The following GRIN2A variants were observed in gnomAD, a reference collection of about 807,000 sequenced individuals.
The protein encoded by GRIN2A is glutamate receptor ionotropic, NMDA 2A.
A neutral mutation model predicts 113.4 loss-of-function variants in GRIN2A; 22 were observed. The ratio of observed to expected loss-of-function variants is 0.19; its 90% CI spans 0.14 to 0.28. The LOEUF (loss-of-function observed/expected upper bound fraction) is 0.28. GRIN2A is among the 10% of genes least tolerant of loss of function. GRIN2A has a pLI of 1.00. For missense variants in GRIN2A, 1,502 were observed against 1,887.0 expected (o/e 0.80, Z 3.78); for synonymous variants, 827 against 738.4 (o/e 1.12, Z -1.94).
chr16:9,781,534 T>C (rs1030926186), intron 11 of GRIN2A, among the ~76,000 whole-genome samples: 1 of 152,138 alleles, frequency 6.6e-6, no homozygotes, highest in African/African-American at 2.4e-5. Context: ...ATAATGTCTT[T>C]ATTTTTTGTA....
intron 3 of GRIN2A, among the ~76,000 whole-genome samples, chr16:9,893,199 G>A (rs1256292001): frequency 6.6e-6 from 1 of 152,198 alleles, no homozygotes; most frequent in Non-Finnish European, 1.5e-5. Flanking sequence ...AATTAATGAT[G>A]CAGAGAAAAT....
chr16:10,117,528 G>GA, intron 2 of GRIN2A, among the ~76,000 whole-genome samples: 1 of 138,756 alleles, frequency 7.2e-6, no homozygotes, highest in African/African-American at 2.6e-5. Flanking sequence ...AAGTTAATTT[G>GA]AAAAAAGAAT....
intron 2 of GRIN2A, among the ~76,000 whole-genome samples, chr16:9,957,814 G>A (rs1192737595): frequency 6.6e-6 from 1 of 152,126 alleles, no homozygotes; most frequent in African/African-American, 2.4e-5. Flanking sequence ...CCTCACCTGA[G>A]AACTCTTCTA....
chr16:9,784,742 A>G (rs1304881823), intron 11 of GRIN2A, among the ~76,000 whole-genome samples: 2 of 152,198 alleles, frequency 1.3e-5, no homozygotes, highest in Non-Finnish European at 2.9e-5. Context: ...ACAAATTTAC[A>G]AGAAAAAAAC....
intron 2 of GRIN2A, among the ~76,000 whole-genome samples, chr16:10,062,087 C>G (rs1302357190): frequency 6.6e-6 from 1 of 152,178 alleles, no homozygotes; most frequent in East Asian, 1.9e-4. Context: ...AAATGAATGG[C>G]TGAACTGGGA....
At position 9,764,975 on chromosome 16, in the gene GRIN2A, T is replaced by TCAG. The variant is rs749857415; in HGVS notation, c.2596-30_2596-28dup. ...TGTAGGGGAGCAACATAAAGCACTG[T>TCAG]CAGCAGCAGCAGCAGTGAACATGAA... On this transcript the variant is annotated intron_variant, in intron 12 of 12. Transcript: ENST00000330684. 1.2e-5 allele frequency: 19 copies of TCAG among 1,613,268 alleles called. No homozygotes were observed. In the African/African-American group the frequency reaches 1.3e-4, roughly 11 times the overall value.
At chr16:10,146,389 G>A (rs2049440769) in intron 2 of GRIN2A, among the ~76,000 whole-genome samples, 1 of 152,080 alleles carries the variant, frequency 6.6e-6, no homozygotes, top group African/African-American at 2.4e-5. Context: ...CAGTGCATGA[G>A]CCACCACGCC....
chr16:10,055,097 G>T (rs368616402), intron 2 of GRIN2A, among the ~76,000 whole-genome samples: 1 of 41,200 alleles, frequency 2.4e-5, no homozygotes, highest in Non-Finnish European at 4.3e-5. Context: ...AAAAAAGAAA[G>T]AAAGAAAGAA....
chr16:10,073,989 G>C (rs551226808), intron 2 of GRIN2A, among the ~76,000 whole-genome samples: 2 of 149,542 alleles, frequency 1.3e-5, no homozygotes, highest in Admixed American at 1.3e-4. Context: ...TCTCATAAAA[G>C]TCTAGTATCC....
intron 3 of GRIN2A, among the ~76,000 whole-genome samples, chr16:9,917,611 A>T (rs2044277098): frequency 6.6e-6 from 1 of 152,232 alleles, no homozygotes; most frequent in African/African-American, 2.4e-5. Context: ...TTTTGAAATA[A>T]AGATCTTATA....
intron 2 of GRIN2A, among the ~76,000 whole-genome samples, chr16:9,999,272 G>A (rs568924458): frequency 6.6e-6 from 1 of 152,246 alleles, no homozygotes; most frequent in East Asian, 1.9e-4. Context: ...CTCAAGAAGT[G>A]ACCTTGGCAT....
intron 2 of GRIN2A, among the ~76,000 whole-genome samples, chr16:10,125,616 T>C (rs113413730): frequency 0.013 from 1,936 of 146,012 alleles, 22 homozygotes; most frequent in South Asian, 0.052. Context: ...ATCCTCATAC[T>C]GCTCATGGTG....
rs895697550 is a variant in GRIN2A at position 10,126,162 on chromosome 16, T to C, written c.414+53836A>G. Among the ~76,000 whole-genome samples, 8 of 118,428 alleles carry C rather than the reference T, an allele frequency of 6.8e-5. 1 individual carries two copies. Among genetic ancestry groups the C allele is most frequent in the Admixed American group, 2.7e-4 (3 of 10,982 alleles). The allele number at this position is 118,428 out of a possible 152,430, so 77.7% of individuals were successfully genotyped here. ...GTGTGAGTTGATGGATTTCTTTATA[T>C]ATATATATATTTTTTTTTGAGATAG... On this transcript the variant is annotated intron_variant, in intron 2 of 12. Coordinates refer to ENST00000330684, the MANE Select transcript of GRIN2A (RefSeq NM_001134407.3).
chr16:10,029,581 G>A (rs2046890879), intron 2 of GRIN2A, among the ~76,000 whole-genome samples: 1 of 152,204 alleles, frequency 6.6e-6, no homozygotes, highest in South Asian at 2.1e-4. Context: ...GCAATTAAAA[G>A]TTAATGCCCC....
chr16:10,125,338 AT>A (rs2142196673), intron 2 of GRIN2A, among the ~76,000 whole-genome samples: 1 of 152,252 alleles, frequency 6.6e-6, no homozygotes, highest in East Asian at 1.9e-4. Flanking sequence ...AGCAAAGAAT[AT>A]TTGGCTTTCC....
At chr16:9,823,546 T>A (rs755281730) in intron 9 of GRIN2A, among the ~76,000 whole-genome samples, 15 of 152,220 alleles carry the variant, frequency 9.9e-5, no homozygotes, top group Non-Finnish European at 1.8e-4. Flanking sequence ...CATTTTTCTA[T>A]GAAACATTGA....
rs1242297787 is a variant in GRIN2A, at chr16:9,758,508, T to G, written c.*4641A>C. On this transcript the variant is annotated 3_prime_UTR_variant, in exon 13 of 13. Transcript: ENST00000330684. Reference sequence around the variant, plus strand: ...CTCCCATAAAAATAACCAGAATGGGTTTTCCATGTGTTAATACCATCATCA... The same window carrying G: ...CTCCCATAAAAATAACCAGAATGGGGTTTCCATGTGTTAATACCATCATCA... The G allele has an allele frequency of 2.3e-5, 5 of 214,908 alleles. No homozygotes were observed. The highest frequency in any genetic ancestry group is 5.9e-5 in the Admixed American group (1 of 17,074). 13.3% of individuals were successfully genotyped at this position (214,908 alleles called of 1,614,324 possible).
At chr16:10,177,512 T>C (rs900113071) in intron 2 of GRIN2A, among the ~76,000 whole-genome samples, 10 of 152,194 alleles carry the variant, frequency 6.6e-5, no homozygotes, top group Admixed American at 2.0e-4. Flanking sequence ...TTTGAACCAA[T>C]GGACCCTTTC....
At chr16:10,068,031 C>A (rs2047682247) in intron 2 of GRIN2A, among the ~76,000 whole-genome samples, 1 of 152,250 alleles carries the variant, frequency 6.6e-6, no homozygotes. Context: ...TGAAAGCCAT[C>A]TGTGGGATAG....
Sources: allele counts gnomAD v4.1 joint callset (sites outside exome capture counted in the v4.1 genomes callset), GRCh38; gene constraint gnomAD v4.1.1; transcripts MANE v1.5; gene names NCBI Gene and HGNC (gene_info 2026-07-23, HGNC 2026-07-21).